The following KCNIP4 variants were observed in gnomAD, a reference collection of about 807,000 sequenced individuals.
The protein encoded by KCNIP4 is Kv channel-interacting protein 4.
Under a neutral mutation model 34.0 loss-of-function variants are expected in KCNIP4, and 12 were observed. The observed-to-expected ratio is 0.35, with a 90% CI of 0.23 to 0.57. KCNIP4 has a LOEUF of 0.57. KCNIP4 is among the 20% of genes least tolerant of loss of function. The probability of loss-of-function intolerance (pLI) is 0.83; values close to 1 mark genes in which losing one functional copy is unlikely to be tolerated. For synonymous variants in KCNIP4, 124 were observed against 102.2 expected, an observed-to-expected ratio of 1.21 and a Z score of -1.29; for missense variants, 238 against 311.7, an observed-to-expected ratio of 0.76 and a Z score of 1.78.
chr4:21,368,777 T>C (rs1311188718), intron 1 of KCNIP4, among the ~76,000 whole-genome samples: 1 of 147,564 alleles, frequency 6.8e-6, no homozygotes, highest in South Asian at 2.1e-4. Flanking sequence ...GAGTTTTAAG[T>C]TGAATAAAAA....
At chr4:20,812,555 A>G (rs9998323) in intron 3 of KCNIP4, among the ~76,000 whole-genome samples, 91,230 of 152,038 alleles carry the variant, frequency 0.6, 27,727 homozygotes, top group South Asian at 0.72. Flanking sequence ...GCTTAGGGAA[A>G]GCTGGCCCCT....
At position 20,984,623 on chromosome 4, in the gene KCNIP4, C is replaced by T. The variant is rs149057603; in HGVS notation, c.62-101914G>A. 3.3e-5 allele frequency among the ~76,000 whole-genome samples: 5 copies of T among 152,304 alleles called. No individual in the cohort carries two copies. The East Asian group carries it at 9.7e-4, about 29-fold the overall frequency. ...CAAACGAGAACACCTGAGCCTCCCC[C>T]GCCACGCCACTCCTTGTTCTGGTCT... On this transcript the variant is annotated intron_variant, in intron 1 of 8. Coordinates refer to ENST00000382152, the MANE Select transcript of KCNIP4 (RefSeq NM_025221.6).
chr4:20,937,803 G>A lies in KCNIP4; in HGVS notation c.62-55094C>T, dbSNP rs76277327. On this transcript the variant is annotated intron_variant, in intron 1 of 8. Coordinates refer to ENST00000382152, the MANE Select transcript of KCNIP4 (RefSeq NM_025221.6). ...TTCCTTATTTACAGCCCAGCTATAA[G>A]TCTGTCCAGGGCATTTCAGAAATAA... Among the ~76,000 whole-genome samples the A allele has an allele frequency of 0.01, 1,587 of 152,224 alleles. 66 individuals carry two copies. In the East Asian group the frequency reaches 0.14, roughly 13 times the overall value.
intron 1 of KCNIP4, among the ~76,000 whole-genome samples, chr4:21,650,925 C>A (rs1560593457): frequency 6.6e-6 from 1 of 152,074 alleles, no homozygotes; most frequent in Non-Finnish European, 1.5e-5. Flanking sequence ...GGCCACTCAG[C>A]TCCTTGAGGC....
chr4:20,895,932 C>T (rs1371911079), intron 1 of KCNIP4, among the ~76,000 whole-genome samples: 1 of 152,176 alleles, frequency 6.6e-6, no homozygotes, highest in East Asian at 1.9e-4. Context: ...GAACTGTAGA[C>T]TTTTGATATT....
chr4:20,882,370 T>A (rs182645493), intron 2 of KCNIP4, among the ~76,000 whole-genome samples: 1 of 152,216 alleles, frequency 6.6e-6, no homozygotes, highest in Admixed American at 6.5e-5. Flanking sequence ...CAAACAAAAA[T>A]GTCCCAGTGT....
intron 1 of KCNIP4, among the ~76,000 whole-genome samples, chr4:21,860,001 A>C (rs1023453819): frequency 1.3e-5 from 2 of 152,214 alleles, no homozygotes; most frequent in African/African-American, 2.4e-5. Flanking sequence ...TGATGGTGCC[A>C]CTGCACTCCA....
rs200001446 is a variant in KCNIP4 at position 21,449,636 on chromosome 4, GTA to G, written c.61+498933_61+498934del. On this transcript the variant is annotated intron_variant, in intron 1 of 8. Coordinates refer to ENST00000382152, the MANE Select transcript of KCNIP4 (RefSeq NM_025221.6). ...TAAGAATAAGAAAACTTATATATAT[GTA>G]TATATATATATATACTACTTTTTAC... Among the ~76,000 whole-genome samples, 721 of 147,378 alleles carry G rather than the reference GTA, an allele frequency of 4.9e-3. 8 individuals are homozygous for G. Among genetic ancestry groups the G allele is most frequent in the African/African-American group, 0.017 (666 of 40,226 alleles).
At chr4:20,953,968 T>C (rs1476377766) in intron 1 of KCNIP4, among the ~76,000 whole-genome samples, 1 of 152,156 alleles carries the variant, frequency 6.6e-6, no homozygotes, top group Non-Finnish European at 1.5e-5. Context: ...TCCCTGTGTT[T>C]TTCTCAAGAA....
intron 1 of KCNIP4, among the ~76,000 whole-genome samples, chr4:21,807,469 C>A (rs189953574): frequency 2.4e-4 from 36 of 152,322 alleles, no homozygotes; most frequent in Admixed American, 2.3e-3. Context: ...CAATCTAGGG[C>A]AGCTTGCCAT....
intron 1 of KCNIP4, among the ~76,000 whole-genome samples, chr4:21,382,797 G>T (rs562812237): frequency 6.6e-6 from 1 of 152,118 alleles, no homozygotes; most frequent in Non-Finnish European, 1.5e-5. Context: ...CACATCCTTT[G>T]ATATAACCAT....
At chr4:21,798,404 C>CATACATATAT (rs557219481) in intron 1 of KCNIP4, among the ~76,000 whole-genome samples, 2 of 129,644 alleles carry the variant, frequency 1.5e-5, no homozygotes, top group Non-Finnish European at 3.3e-5. Flanking sequence ...CAAAAAAATA[C>CATACATATAT]ATATATATAT....
chr4:21,260,935 T>A (rs1264462540), intron 1 of KCNIP4, among the ~76,000 whole-genome samples: 2 of 152,284 alleles, frequency 1.3e-5, no homozygotes, highest in East Asian at 3.9e-4. Context: ...CCAAGTGCTT[T>A]GAAAAAGGGA....
chr4:21,455,137 T>G (rs1728820312), intron 1 of KCNIP4, among the ~76,000 whole-genome samples: 2 of 152,004 alleles, frequency 1.3e-5, no homozygotes, highest in Admixed American at 6.6e-5. Context: ...AAATTCCAGA[T>G]TCCTGACAAA....
intron 1 of KCNIP4, among the ~76,000 whole-genome samples, chr4:21,665,794 T>C (rs1404651915): frequency 6.6e-6 from 1 of 152,146 alleles, no homozygotes; most frequent in Non-Finnish European, 1.5e-5. Context: ...CAGAATTCTC[T>C]CTGTTATCCA....
intron 1 of KCNIP4, among the ~76,000 whole-genome samples, chr4:21,575,739 T>C (rs1740702540): frequency 6.6e-6 from 1 of 152,240 alleles, no homozygotes. Context: ...AAACCAAATT[T>C]ATTTCAATAG....
At chr4:21,696,649 C>T (rs1478843717) in intron 1 of KCNIP4, among the ~76,000 whole-genome samples, 2 of 152,152 alleles carry the variant, frequency 1.3e-5, no homozygotes, top group Non-Finnish European at 2.9e-5. Context: ...CTAGGAATTT[C>T]ATGAGCAACA....
intron 1 of KCNIP4, among the ~76,000 whole-genome samples, chr4:21,781,228 T>C (rs1054373656): frequency 3.3e-5 from 5 of 152,110 alleles, no homozygotes; most frequent in South Asian, 2.1e-4. Context: ...GCGTCTGGCA[T>C]TTCCCCTGCT....
intron 1 of KCNIP4, among the ~76,000 whole-genome samples, chr4:21,110,691 G>T (rs1215104599): frequency 2.0e-5 from 3 of 152,152 alleles, no homozygotes; most frequent in Non-Finnish European, 2.9e-5. Flanking sequence ...GGGTCTTTGA[G>T]AGGCAATTAG....
Sources: allele counts gnomAD v4.1 joint callset (sites outside exome capture counted in the v4.1 genomes callset), GRCh38; gene constraint gnomAD v4.1.1; transcripts MANE v1.5; gene names NCBI Gene and HGNC (gene_info 2026-07-23, HGNC 2026-07-21).